Variants in MFSD6 observed in about 807,000 individuals in gnomAD.
MFSD6 encodes major facilitator superfamily domain containing 6.
In MFSD6, 26 loss-of-function variants were observed where a neutral mutation model predicts 56.3. The ratio of observed to expected loss-of-function variants is 0.46; its 90% CI spans 0.34 to 0.64. The LOEUF (loss-of-function observed/expected upper bound fraction) is 0.64, where lower values mean the gene tolerates loss of function less well. MFSD6 is among the 30% of genes least tolerant of loss of function. The probability of loss-of-function intolerance (pLI) is 0.01; values close to 1 mark genes in which losing one functional copy is unlikely to be tolerated. For missense variants in MFSD6, 750 were observed against 986.2 expected (o/e 0.76, Z 3.21); for synonymous variants, 331 against 366.9 (o/e 0.90, Z 1.12).
rs1443659606 is a variant in MFSD6 at position 190,471,392 on chromosome 2, T to G, written c.1630+1537T>G. Among the ~76,000 whole-genome samples the G allele has an allele frequency of 6.6e-6, 1 of 152,188 alleles. No individual in the cohort carries two copies. The highest frequency in any genetic ancestry group is 1.5e-5 in the Non-Finnish European group (1 of 68,004). On this transcript the variant is annotated intron_variant, in intron 4 of 7. Coordinates refer to ENST00000392328, the MANE Select transcript of MFSD6 (RefSeq NM_017694.4). This position sits in a 1 kb window ranked among gnomAD's most constrained non-coding sequence, Gnocchi z 4.7. Reference sequence around the variant, plus strand: ...CTGGAAAATTGGGTCACTCCCACCCTAATACTGTGCTTTTCCAACAGTCTT... The same window carrying G: ...CTGGAAAATTGGGTCACTCCCACCCGAATACTGTGCTTTTCCAACAGTCTT...
At position 190,491,021 on chromosome 2, in the gene MFSD6, T is replaced by C. The variant is rs1301517808; in HGVS notation, c.1891+1155T>C. Among the ~76,000 whole-genome samples the C allele has an allele frequency of 2.0e-5, 3 of 152,238 alleles. No homozygotes were observed. The highest frequency in any genetic ancestry group is 4.4e-5 in the Non-Finnish European group (3 of 68,042). Reference sequence around the variant, plus strand: ...AAAAGACCAATAAAAATAACTATCATGGCTCTCCCAAAGTTATAAGATGTA... The same window carrying C: ...AAAAGACCAATAAAAATAACTATCACGGCTCTCCCAAAGTTATAAGATGTA... On this transcript the variant is annotated intron_variant, in intron 6 of 7. Transcript: ENST00000392328. The surrounding 1 kb of genome is among the most constrained non-coding windows in gnomAD (Gnocchi z 4.2).
At chr2:190,411,346 G>A in intron 1 of MFSD6, 2 of 461,960 alleles carry the variant, frequency 4.3e-6, no homozygotes, top group Non-Finnish European at 5.7e-6. Context: ...TTTTAGTAGA[G>A]ACGGGGTTTC....
At chr2:190,473,118 G>A (rs913268787) in intron 4 of MFSD6, among the ~76,000 whole-genome samples, 16 of 152,202 alleles carry the variant, frequency 1.1e-4, no homozygotes, top group African/African-American at 3.1e-4. Flanking sequence ...ACCGGTACCA[G>A]CTACTGCAAA....
rs566728993 is a variant in MFSD6 at position 190,481,761 on chromosome 2, T to C, written c.1631-6896T>C. On this transcript the variant is annotated intron_variant, in intron 4 of 7. Transcript: ENST00000392328. ...TCCTATACATCAATAGGTGTGGGAA[T>C]GTTGGCTTTTAACACAAATTGTTGC... 2.6e-5 allele frequency among the ~76,000 whole-genome samples: 4 copies of C among 152,226 alleles called. No individual in the cohort carries two copies. In the South Asian group the frequency reaches 8.3e-4, roughly 32 times the overall value.
intron 3 of MFSD6, among the ~76,000 whole-genome samples, chr2:190,442,059 G>T (rs1478926064): frequency 6.6e-6 from 1 of 152,196 alleles, no homozygotes; most frequent in Non-Finnish European, 1.5e-5. Flanking sequence ...AAAGCAAAAA[G>T]ATGGTAGACC....
intron 1 of MFSD6, chr2:190,411,523 A>G: frequency 2.0e-6 from 2 of 985,380 alleles, no homozygotes; most frequent in Non-Finnish European, 2.4e-6. Flanking sequence ...TTTTTACCTT[A>G]TAAAGTTATG....
intron 2 of MFSD6, among the ~76,000 whole-genome samples, chr2:190,420,884 T>G (rs749315439): frequency 5.9e-5 from 9 of 152,202 alleles, no homozygotes; most frequent in Non-Finnish European, 1.3e-4. Context: ...AGATTTGAAA[T>G]TCATATAAAA....
At chr2:190,483,175 AGCCACCGCGCCCG>A (rs1221851576) in intron 4 of MFSD6, among the ~76,000 whole-genome samples, 1 of 149,566 alleles carries the variant, frequency 6.7e-6, no homozygotes, top group African/African-American at 2.5e-5. Flanking sequence ...TACAGGCGTG[AGCCACCGCGCCCG>A]GCCGACTATC....
chr2:190,452,319 A>C lies in MFSD6; in HGVS notation c.1532+14758A>C, dbSNP rs572419817. On this transcript the variant is annotated intron_variant, in intron 3 of 7. Transcript: ENST00000392328. ...AAACTCTAATCTTAACAAAAATTAT[A>C]ATTATGGGATAATATTTTAAAAATA... is the stretch of plus-strand genomic sequence containing the variant. Among the ~76,000 whole-genome samples, 34 of 152,242 alleles carry C rather than the reference A, an allele frequency of 2.2e-4. 1 individual carries two copies. In the South Asian group the frequency reaches 7.0e-3, roughly 32 times the overall value.
At position 190,438,563 on chromosome 2, in the gene MFSD6, A is replaced by G. The variant is rs1005331356; in HGVS notation, c.1532+1002A>G. On this transcript the variant is annotated intron_variant, in intron 3 of 7. Coordinates refer to ENST00000392328, the MANE Select transcript of MFSD6 (RefSeq NM_017694.4). This position sits in a 1 kb window ranked among gnomAD's most constrained non-coding sequence, Gnocchi z 5.2. ...TGCCTAGTGTTTCTTGTTGTGTACT[A>G]TTTCTTCTCACCATTAATGTGCACC... Among the ~76,000 whole-genome samples, 3 of 152,064 alleles carry G rather than the reference A, an allele frequency of 2.0e-5. No individual in the cohort carries two copies. Among genetic ancestry groups the G allele is most frequent in the African/African-American group, 7.2e-5 (3 of 41,416 alleles).
chr2:190,463,945 G>A lies in MFSD6; in HGVS notation c.1533-5813G>A. On this transcript the variant is annotated intron_variant, in intron 3 of 7. Transcript: ENST00000392328. The surrounding 1 kb of genome is among the most constrained non-coding windows in gnomAD (Gnocchi z 4.4). ...CAGTTTATATATGAGGCAGACTGTA[G>A]ACTGTGCTCCAGGGATCTGGTGTCA... 1.0e-6 allele frequency: 1 copy of A among 952,750 alleles called. No individual in the cohort carries two copies. Among genetic ancestry groups the A allele is most frequent in the Middle Eastern group, 5.4e-4 (1 of 1,856 alleles). 59.0% of individuals were successfully genotyped at this position (952,750 alleles called of 1,614,324 possible).
rs1687092416 is a variant in MFSD6 at position 190,457,273 on chromosome 2, C to T, written c.1533-12485C>T. Among the ~76,000 whole-genome samples the T allele has an allele frequency of 6.6e-6, 1 of 152,190 alleles. No individual in the cohort carries two copies. Among genetic ancestry groups the T allele is most frequent in the Non-Finnish European group, 1.5e-5 (1 of 68,032 alleles). ...CCCGGTCCACCCCTGTGGCCCTCTC[C>T]TTCCTTGTCTCTGTGAAAAGAGCGA... On this transcript the variant is annotated intron_variant, in intron 3 of 7. Transcript: ENST00000392328. This position sits in a 1 kb window ranked among gnomAD's most constrained non-coding sequence, Gnocchi z 5.1.
chr2:190,435,791 T>A, intron 2 of MFSD6, 186 bp from the exon 3 acceptor site: 1 of 474,420 alleles, frequency 2.1e-6, no homozygotes, highest in East Asian at 3.5e-5. Flanking sequence ...CCATAAAGAG[T>A]ATTCGATTTT....
At chr2:190,472,881 T>G (rs1448741448) in intron 4 of MFSD6, among the ~76,000 whole-genome samples, 1 of 152,164 alleles carries the variant, frequency 6.6e-6, no homozygotes, top group African/African-American at 2.4e-5. Flanking sequence ...GATTAACAGG[T>G]GATCTCTGGG....
chr2:190,431,453 G>C lies in MFSD6; in HGVS notation c.-53-4524G>C, dbSNP rs374784080. On this transcript the variant is annotated intron_variant, in intron 2 of 7. Coordinates refer to ENST00000392328, the MANE Select transcript of MFSD6 (RefSeq NM_017694.4). The surrounding 1 kb of genome is among the most constrained non-coding windows in gnomAD (Gnocchi z 4.4). ...TGAACGAGACTCCGTCTGCAATCCC[G>C]GCACCTCTGGAGGCCGAGGCTGGCG... Among the ~76,000 whole-genome samples, 1 of 152,240 alleles carries C rather than the reference G, an allele frequency of 6.6e-6. No individual in the cohort carries two copies. The highest frequency in any genetic ancestry group is 1.5e-5 in the Non-Finnish European group (1 of 68,042).
Position 190,497,682 on chromosome 2 carries a change from C to T in MFSD6, c.2135C>T (p.Thr712Ile). 6.2e-7 allele frequency: 1 copy of T among 1,614,146 alleles called. No individual in the cohort carries two copies. The highest frequency in any genetic ancestry group is 8.5e-7 in the Non-Finnish European group (1 of 1,179,984). ...LYQIKEMMQLTRDNRASEIQP... is the reference protein window; with the variant it reads ...LYQIKEMMQLIRDNRASEIQP... ...CAAATTAAAGAGATGATGCAACTCACAAGAGACAACCGTGCTTCTGAGATA... is the reference window on the plus strand; with the variant it reads ...CAAATTAAAGAGATGATGCAACTCATAAGAGACAACCGTGCTTCTGAGATA... The change falls in exon 7 of 8, where the codon ACA becomes ATA. Residue 712 changes from threonine (T) to isoleucine (I), a missense_variant. Coordinates refer to ENST00000392328, the MANE Select transcript of MFSD6 (RefSeq NM_017694.4). The surrounding 1 kb of genome is among the most constrained non-coding windows in gnomAD (Gnocchi z 5.2).
At position 190,430,953 on chromosome 2, in the gene MFSD6, C is replaced by T. The variant is rs555308168; in HGVS notation, c.-53-5024C>T. Among the ~76,000 whole-genome samples the T allele has an allele frequency of 1.3e-3, 197 of 147,964 alleles. 2 individuals are homozygous for T. Among genetic ancestry groups the T allele is most frequent in the African/African-American group, 4.4e-3 (177 of 39,936 alleles). ...GGGGCTCCTCACTTCTCAGACGGGG[C>T]GGCTGCTGGGTGAAGGGGCTCCTCA... On this transcript the variant is annotated intron_variant, in intron 2 of 7. Coordinates refer to ENST00000392328, the MANE Select transcript of MFSD6 (RefSeq NM_017694.4).
At chr2:190,409,727 T>G (rs1690477688) in intron 1 of MFSD6, among the ~76,000 whole-genome samples, 5 of 152,224 alleles carry the variant, frequency 3.3e-5, no homozygotes. Context: ...ACTAGCCAGC[T>G]AAAAGTGTAT....
chr2:190,417,555 GT>G lies in MFSD6; in HGVS notation c.-54+2149del, dbSNP rs1219623277. ...TGGGTGCTCGATCTATAGCTGTAGG[GT>G]TTTTTTGGTTGTTCAAATGAATGTC... On this transcript the variant is annotated intron_variant, in intron 2 of 7. Transcript: ENST00000392328. The surrounding 1 kb of genome is among the most constrained non-coding windows in gnomAD (Gnocchi z 5.7). Among the ~76,000 whole-genome samples, 2 of 152,008 alleles carry G rather than the reference GT, an allele frequency of 1.3e-5. No homozygotes were observed. Among genetic ancestry groups the G allele is most frequent in the Admixed American group, 6.6e-5 (1 of 15,256 alleles).
Sources: gnomAD v4.1 joint callset for allele counts (sites outside exome capture counted in the v4.1 genomes callset) on GRCh38, gnomAD v4.1.1 for gene constraint, Gnocchi (gnomAD v3.1) non-coding constraint, MANE v1.5 for transcripts, NCBI Gene and HGNC (gene_info 2026-07-23, HGNC 2026-07-21) for gene names.